CASR: variants seen among roughly 807,000 people sequenced by gnomAD.
CASR encodes the protein calcium sensing receptor, also known as extracellular calcium-sensing receptor.
Under a neutral mutation model 69.1 loss-of-function variants are expected in CASR, and 23 were observed. The observed-to-expected ratio is 0.33, with a 90% CI of 0.24 to 0.47. The LOEUF (loss-of-function observed/expected upper bound fraction) is 0.47. CASR is among the 20% of genes least tolerant of loss of function. The pLI, the probability that CASR is intolerant of heterozygous loss-of-function variation, is 1.00. For synonymous variants in CASR, 541 were observed against 544.7 expected, an observed-to-expected ratio of 0.99 and a Z score of 0.10; for missense variants, 924 against 1,356.1, an observed-to-expected ratio of 0.68 and a Z score of 5.00.
chr3:122,284,216 G>T lies in CASR; in HGVS notation c.2262G>T (p.Gln754His). 1 of 1,614,086 alleles carries T rather than the reference G, an allele frequency of 6.2e-7. No homozygotes were observed. Among genetic ancestry groups the T allele is most frequent in the Non-Finnish European group, 8.5e-7 (1 of 1,180,040 alleles). Residue 754 changes from glutamine (Q) to histidine (H), a missense_variant, in exon 7 of 7, where the codon CAG (glutamine) becomes CAT (histidine). Physicochemically the swap from Gln to His is conservative, Grantham distance 24. Coordinates refer to ENST00000639785, the MANE Select transcript of CASR (RefSeq NM_000388.4). The part of the protein sequence containing the change: ...YTAPPSSYRN[Q>H]ELEDEIIFIT... ...CGCCCCCGTCAAGCTACCGCAACCAGGAGCTGGAGGATGAGATCATCTTCA... is the reference window on the plus strand; with the variant it reads ...CGCCCCCGTCAAGCTACCGCAACCATGAGCTGGAGGATGAGATCATCTTCA...
chr3:122,267,596 T>C (rs2074709351), intron 4 of CASR, among the ~76,000 whole-genome samples: 1 of 152,216 alleles, frequency 6.6e-6, no homozygotes, highest in South Asian at 2.1e-4. Flanking sequence ...ATACTCTGTC[T>C]CTACTGACAG....
chr3:122,199,028 T>C (rs2073917179), intron 1 of CASR, among the ~76,000 whole-genome samples: 1 of 152,260 alleles, frequency 6.6e-6, no homozygotes, highest in Admixed American at 6.5e-5. Context: ...AGATTTATGA[T>C]ATTTACATAT....
At chr3:122,220,863 A>G (rs529976688) in intron 1 of CASR, among the ~76,000 whole-genome samples, 7 of 152,306 alleles carry the variant, frequency 4.6e-5, no homozygotes, top group African/African-American at 1.7e-4. Context: ...AATCCCAGCT[A>G]CTTGAGAGGC....
chr3:122,275,234 T>C (rs1439710961), intron 4 of CASR, among the ~76,000 whole-genome samples: 1 of 152,222 alleles, frequency 6.6e-6, no homozygotes, highest in Non-Finnish European at 1.5e-5. Context: ...ATATAAAACC[T>C]TATAAAAATT....
chr3:122,236,864 T>G (rs1490831352), intron 1 of CASR, among the ~76,000 whole-genome samples: 1 of 152,138 alleles, frequency 6.6e-6, no homozygotes, highest in African/African-American at 2.4e-5. Flanking sequence ...TGAAAGAAAT[T>G]TGGATAGTTA....
At chr3:122,268,552 G>T (rs757590573) in intron 4 of CASR, among the ~76,000 whole-genome samples, 9 of 152,186 alleles carry the variant, frequency 5.9e-5, no homozygotes, top group Non-Finnish European at 1.3e-4. Context: ...TGACACCTCG[G>T]TCCTTACACA....
intron 1 of CASR, among the ~76,000 whole-genome samples, chr3:122,224,954 T>C (rs2074208480): frequency 1.3e-5 from 2 of 152,098 alleles, no homozygotes; most frequent in Admixed American, 1.3e-4. Flanking sequence ...GGACTCCCCA[T>C]ATGATCATCT....
At chr3:122,271,325 T>C (rs551430497) in intron 4 of CASR, among the ~76,000 whole-genome samples, 2 of 152,314 alleles carry the variant, frequency 1.3e-5, no homozygotes, top group African/African-American at 2.4e-5. Context: ...TAATGAAGTG[T>C]GGGTACAACA....
intron 1 of CASR, among the ~76,000 whole-genome samples, chr3:122,202,333 A>G (rs2073964634): frequency 6.6e-6 from 1 of 152,136 alleles, no homozygotes; most frequent in African/African-American, 2.4e-5. Context: ...CAGGAGAATC[A>G]GGCAGGGAGG....
intron 3 of CASR, among the ~76,000 whole-genome samples, chr3:122,260,786 G>A (rs750442459): frequency 1.1e-4 from 16 of 152,050 alleles, no homozygotes; most frequent in Non-Finnish European, 1.9e-4. Flanking sequence ...AATTACATAC[G>A]TCATTGTTAT....
At chr3:122,194,511 CA>C (rs1252217545) in intron 1 of CASR, among the ~76,000 whole-genome samples, 16 of 151,480 alleles carry the variant, frequency 1.1e-4, no homozygotes, top group Admixed American at 9.2e-4. Context: ...AACAAGAAGG[CA>C]AAAAAAATAG....
At chr3:122,217,121 T>C (rs943948154) in intron 1 of CASR, among the ~76,000 whole-genome samples, 5 of 151,834 alleles carry the variant, frequency 3.3e-5, no homozygotes, top group African/African-American at 1.2e-4. Context: ...TTTTTTTTTT[T>C]TTGAGACAAG....
intron 1 of CASR, among the ~76,000 whole-genome samples, chr3:122,201,851 T>C (rs2073956730): frequency 6.8e-6 from 1 of 146,988 alleles, no homozygotes; most frequent in Non-Finnish European, 1.5e-5. Flanking sequence ...CCTCACTTCC[T>C]AGATGGGATG....
chr3:122,222,699 A>C (rs548678329), intron 1 of CASR, among the ~76,000 whole-genome samples: 2 of 152,306 alleles, frequency 1.3e-5, no homozygotes, highest in African/African-American at 4.8e-5. Context: ...ACGTAAACTC[A>C]ACACTTGACC....
intron 1 of CASR, chr3:122,245,269 G>GC (rs2074416485): frequency 6.6e-6 from 1 of 152,170 alleles, no homozygotes; most frequent in Non-Finnish European, 1.5e-5. Context: ...TACGGATACA[G>GC]CCATTCATCT....
intron 1 of CASR, among the ~76,000 whole-genome samples, chr3:122,228,104 A>C (rs1377322940): frequency 6.6e-6 from 1 of 152,168 alleles, no homozygotes; most frequent in Non-Finnish European, 1.5e-5. Context: ...TTCCAGCTGA[A>C]GCTTTGCCAG....
At chr3:122,257,666 C>T (rs2074571020) in intron 3 of CASR, 1 of 343,794 alleles carries the variant, frequency 2.9e-6, no homozygotes, top group Non-Finnish European at 5.3e-6. Context: ...ATTTATTTCC[C>T]ACTCTATTCC....
In CASR at chr3:122,284,622, C is replaced by T. The variant is rs548127959; in HGVS notation, c.2668C>T (p.Arg890Cys). 3.7e-6 allele frequency: 6 copies of T among 1,614,054 alleles called. No individual in the cohort carries two copies. Among genetic ancestry groups the T allele is most frequent in the East Asian group, 2.2e-5 (1 of 44,872 alleles). Residue 890 changes from arginine to cysteine, a missense_variant, in exon 7 of 7, where the codon CGC (arginine) becomes TGC (cysteine). By Grantham distance (180) the Arg-to-Cys change is radical. This residue lies in a region of CASR where 42 missense variants were observed against 73.2 expected (regional missense o/e 0.57). Coordinates refer to ENST00000639785, the MANE Select transcript of CASR (RefSeq NM_000388.4). ...AFKVAARATL[R>C]RSNVSRKRSS... The stretch of plus-strand genomic sequence containing the variant: ...CAAGGTGGCTGCCCGGGCCACGCTG[C>T]GCCGCAGCAACGTCTCCCGCAAGCG...
chr3:122,223,045 G>C (rs1179329301), intron 1 of CASR, among the ~76,000 whole-genome samples: 1 of 152,092 alleles, frequency 6.6e-6, no homozygotes, highest in Non-Finnish European at 1.5e-5. Flanking sequence ...CAACATACCA[G>C]AATCTTTGGG....
Sources: gnomAD v4.1 joint callset for allele counts (sites outside exome capture counted in the v4.1 genomes callset) on GRCh38, gnomAD v4.1.1 for gene constraint, gnomAD v4.1.1 regional missense constraint, MANE v1.5 for transcripts, NCBI Gene and HGNC (gene_info 2026-07-23, HGNC 2026-07-21) for gene names.